Variants in ATP2B2 observed in about 807,000 individuals in gnomAD.
The protein encoded by ATP2B2 is plasma membrane calcium-transporting ATPase 2.
A neutral mutation model predicts 120.0 loss-of-function variants in ATP2B2; 15 were observed. That is an observed-to-expected ratio of 0.12 (90% CI 0.08 to 0.19). The LOEUF (loss-of-function observed/expected upper bound fraction) is 0.19. Ranked by LOEUF, ATP2B2 falls within the 10% of genes least tolerant of loss-of-function variation. The pLI is 1.00. For missense variants in ATP2B2, 1,045 were observed against 1,719.8 expected (o/e 0.61, Z 6.94); for synonymous variants, 694 against 700.3 (o/e 0.99, Z 0.14).
Position 10,427,982 on chromosome 3 carries a change from T to C in ATP2B2, c.200-17167A>G, listed in dbSNP as rs1224937412. On this transcript the variant is annotated intron_variant, in intron 2 of 22. Transcript: ENST00000360273. ...GCACATGGTAGACCTCCAATAAGAG[T>C]AGAATGGATTCAACTCCAGTTTTAA... is the stretch of plus-strand genomic sequence containing the variant. Among the ~76,000 whole-genome samples, 3 of 152,074 alleles carry C rather than the reference T, an allele frequency of 2.0e-5. No homozygotes were observed. In the East Asian group the frequency reaches 5.8e-4, roughly 29 times the overall value.
At chr3:10,419,989 C>T (rs573998425) in intron 2 of ATP2B2, among the ~76,000 whole-genome samples, 41 of 152,326 alleles carry the variant, frequency 2.7e-4, no homozygotes, top group Non-Finnish European at 4.9e-4. Context: ...GACCTCGTGG[C>T]CCTGCTTCGT....
At chr3:10,348,756 C>T (rs1437809964) in intron 16 of ATP2B2, among the ~76,000 whole-genome samples, 1 of 152,254 alleles carries the variant, frequency 6.6e-6, no homozygotes, top group African/African-American at 2.4e-5. Context: ...CAGCCTTTTG[C>T]TCTATGCAGG....
At chr3:10,570,513 C>T (rs777577422) in intron 2 of ATP2B2, 2 of 152,240 alleles carry the variant, frequency 1.3e-5, no homozygotes, top group African/African-American at 2.4e-5. Flanking sequence ...CTGGAGCCAT[C>T]ATGGGCTCTA....
At chr3:10,493,716 A>G (rs1279527610) in intron 1 of ATP2B2, among the ~76,000 whole-genome samples, 1 of 152,232 alleles carries the variant, frequency 6.6e-6, no homozygotes, top group Non-Finnish European at 1.5e-5. Context: ...CAGTGTTCTA[A>G]TGAAATCACT....
At chr3:10,439,903 T>TACC (rs988696336) in intron 2 of ATP2B2, among the ~76,000 whole-genome samples, 8 of 151,386 alleles carry the variant, frequency 5.3e-5, no homozygotes, top group African/African-American at 1.7e-4. Context: ...TACAAGCGTG[T>TACC]ACCACCACAC....
chr3:10,699,573 C>A (rs146108010), intron 1 of ATP2B2, among the ~76,000 whole-genome samples: 191 of 152,066 alleles, frequency 1.3e-3, no homozygotes, highest in African/African-American at 4.5e-3. Context: ...TTTTTCAATA[C>A]CCCTTGAATT....
At chr3:10,633,931 C>T (rs1309278098) in intron 1 of ATP2B2, among the ~76,000 whole-genome samples, 1 of 152,212 alleles carries the variant, frequency 6.6e-6, no homozygotes, top group Non-Finnish European at 1.5e-5. Flanking sequence ...GGGTGGCCAT[C>T]TGACCCATTT....
intron 5 of ATP2B2, among the ~76,000 whole-genome samples, chr3:10,390,496 TTTTGTG>T (rs1296120571): frequency 8.7e-6 from 1 of 115,482 alleles, no homozygotes; most frequent in African/African-American, 3.6e-5. Flanking sequence ...GCGTGCATGC[TTTTGTG>T]TGTGTGTGTG....
intron 1 of ATP2B2, among the ~76,000 whole-genome samples, chr3:10,480,508 C>T (rs569884067): frequency 6.6e-6 from 1 of 152,210 alleles, no homozygotes; most frequent in East Asian, 1.9e-4. Context: ...CTGAAGCACA[C>T]AGGCTTTGAG....
chr3:10,566,779 A>C (rs2068018989), intron 2 of ATP2B2, among the ~76,000 whole-genome samples: 1 of 152,236 alleles, frequency 6.6e-6, no homozygotes. Context: ...TGAGTTTTTA[A>C]CATGGGGCCA....
intron 1 of ATP2B2, among the ~76,000 whole-genome samples, chr3:10,642,457 A>G (rs1197360611): frequency 6.6e-6 from 1 of 152,152 alleles, no homozygotes; most frequent in Non-Finnish European, 1.5e-5. Context: ...GTCTCTTGGA[A>G]GAAACAGAGC....
chr3:10,673,747 C>T (rs936036826), intron 1 of ATP2B2, among the ~76,000 whole-genome samples: 2 of 127,940 alleles, frequency 1.6e-5, no homozygotes, highest in African/African-American at 6.0e-5. Flanking sequence ...GGTTAGGCTG[C>T]AGTTAGCCGT....
intron 4 of ATP2B2, among the ~76,000 whole-genome samples, chr3:10,401,499 T>G (rs556603188): frequency 6.6e-6 from 1 of 152,308 alleles, no homozygotes; most frequent in South Asian, 2.1e-4. Context: ...AGGGGATGTG[T>G]GCCTTTTAGG....
At chr3:10,473,074 G>T (rs1457091470) in intron 1 of ATP2B2, among the ~76,000 whole-genome samples, 2 of 152,206 alleles carry the variant, frequency 1.3e-5, no homozygotes, top group Non-Finnish European at 2.9e-5. Context: ...CTCCATGTCT[G>T]TGTCTCTGCT....
intron 2 of ATP2B2, among the ~76,000 whole-genome samples, chr3:10,536,979 A>G (rs6792305): frequency 0.064 from 9,772 of 152,198 alleles, 413 homozygotes; most frequent in East Asian, 0.13. Flanking sequence ...TTGCTCTAGC[A>G]CCATTTGTTG....
At chr3:10,629,706 T>C (rs1371604298) in intron 1 of ATP2B2, among the ~76,000 whole-genome samples, 2 of 152,212 alleles carry the variant, frequency 1.3e-5, no homozygotes, top group African/African-American at 4.8e-5. Flanking sequence ...TTCACCTGCA[T>C]GCGCTCATTC....
intron 1 of ATP2B2, among the ~76,000 whole-genome samples, chr3:10,622,499 C>A (rs1366529473): frequency 6.6e-6 from 1 of 152,082 alleles, no homozygotes; most frequent in Non-Finnish European, 1.5e-5. Context: ...GAAAAATCCC[C>A]TGACTTCTAA....
At chr3:10,540,897 AT>A (rs1185930460) in intron 2 of ATP2B2, among the ~76,000 whole-genome samples, 40 of 147,410 alleles carry the variant, frequency 2.7e-4, no homozygotes, top group Admixed American at 6.1e-4. Flanking sequence ...GGTCCTGGGG[AT>A]TTTTTTTTTA....
chr3:10,605,440 A>G (rs962412857), intron 2 of ATP2B2, among the ~76,000 whole-genome samples: 14 of 152,184 alleles, frequency 9.2e-5, no homozygotes, highest in African/African-American at 3.4e-4. Context: ...TGTTAGGCTC[A>G]AAGTCTTTCT....
Sources: gnomAD v4.1 joint callset for allele counts (sites outside exome capture counted in the v4.1 genomes callset) on GRCh38, gnomAD v4.1.1 for gene constraint, MANE v1.5 for transcripts, NCBI Gene and HGNC (gene_info 2026-07-23, HGNC 2026-07-21) for gene names.